The following CDH3 variants were observed in gnomAD, a reference collection of about 807,000 sequenced individuals.
CDH3 encodes the protein cadherin 3, also known as cadherin-3.
Under a neutral mutation model 82.0 loss-of-function variants are expected in CDH3, and 54 were observed. The ratio of observed to expected loss-of-function variants is 0.66; its 90% CI spans 0.53 to 0.83. The LOEUF (loss-of-function observed/expected upper bound fraction) is 0.83. Among genes scored for constraint, CDH3 ranks in the 40% least tolerant of loss-of-function variants. The pLI is 0.00. For synonymous variants in CDH3, 446 were observed against 437.9 expected (o/e 1.02, Z -0.23); for missense variants, 1,054 against 1,084.6 (o/e 0.97, Z 0.40).
intron 2 of CDH3, among the ~76,000 whole-genome samples, chr16:68,666,477 G>GC (rs1412656972): frequency 6.6e-6 from 1 of 152,138 alleles, no homozygotes; most frequent in East Asian, 1.9e-4. Context: ...GAATCCAGGA[G>GC]CCCCAAGGCC....
rs1172546854 is a variant in CDH3 at position 68,679,954 on chromosome 16, T to C, written c.847T>C (p.Ser283Pro). 6.2e-7 allele frequency: 1 copy of C among 1,614,168 alleles called. No homozygotes were observed. ...HRSTGTISVI[S>P]SGLDREKVPE... Reference sequence around the variant, plus strand: ...GAGCACAGGCACCATCAGCGTCATCTCCAGTGGCCTGGACCGGGAAGTGAG... The same window carrying C: ...GAGCACAGGCACCATCAGCGTCATCCCCAGTGGCCTGGACCGGGAAGTGAG... The change falls in exon 7 of 16, where the codon TCC (serine) becomes CCC (proline). Residue 283 changes from serine (S) to proline (P), a missense_variant. Physicochemically the swap from Ser to Pro is moderately conservative, Grantham distance 74. Transcript: ENST00000264012.
downstream of CDH3, among the ~76,000 whole-genome samples, chr16:68,730,148 G>C (rs535764922): frequency 6.6e-6 from 1 of 151,590 alleles, no homozygotes; most frequent in African/African-American, 2.4e-5. Context: ...CAGGAGGAAC[G>C]CTTGCACCTG....
chr16:68,685,181 C>T, intron 10 of CDH3, 24 bp from the exon 11 acceptor site: 1 of 1,613,434 alleles, frequency 6.2e-7, no homozygotes, highest in Non-Finnish European at 8.5e-7. Flanking sequence ...TCTGGATGTA[C>T]TCGTCTCAAC....
rs776873219 is a variant in CDH3 at position 68,687,699 on chromosome 16, C to G, written c.1758C>G (p.Asp586Glu). The G allele has an allele frequency of 6.2e-7, 1 of 1,614,038 alleles. No individual in the cohort carries two copies. Among genetic ancestry groups the G allele is most frequent in the Non-Finnish European group, 8.5e-7 (1 of 1,179,986 alleles). Residue 586 changes from aspartate to glutamate, a missense_variant, in exon 12 of 16, where the codon GAC (aspartate) becomes GAG (glutamate). Physicochemically the swap from Asp to Glu is conservative, Grantham distance 45. Transcript: ENST00000264012. The part of the protein sequence containing the change: ...TSPFQAQLTD[D>E]SDIYWTAEVN... ...CTTTCCAGGCCCAGCTCACAGATGA[C>G]TCAGACATCTACTGGACGGCAGAGG...
intron 2 of CDH3, among the ~76,000 whole-genome samples, chr16:68,657,027 C>T (rs1960424692): frequency 1.3e-5 from 2 of 152,110 alleles, no homozygotes; most frequent in Admixed American, 1.3e-4. Flanking sequence ...ACAGACCCTT[C>T]CTCACTCGCT....
chr16:68,712,434 T>C (rs952749269), intron 1 of CDH3, among the ~76,000 whole-genome samples: 1 of 152,116 alleles, frequency 6.6e-6, no homozygotes, highest in Non-Finnish European at 1.5e-5. Context: ...ATAGCAACAA[T>C]AATAATAATG....
At position 68,699,513 on chromosome 16, in the gene CDH3, T is replaced by A. The variant is rs1227872743; in HGVS notation, c.*1113T>A. ...TTTTTTTTTTTTTTGAGACGGAGTC[T>A]CGTTCTGTCGCCCAGGCTGGAGTGC... On this transcript the variant is annotated 3_prime_UTR_variant, in exon 16 of 16. Transcript: ENST00000264012. 6.7e-6 allele frequency: 1 copy of A among 149,686 alleles called. No homozygotes were observed. 9.3% of individuals were successfully genotyped at this position (149,686 alleles called of 1,614,324 possible).
chr16:68,684,738 C>T lies in CDH3; in HGVS notation c.1338C>T (p.Val446=), dbSNP rs769610402. The change falls in exon 10 of 16, where the codon GTC becomes GTT. Residue 446 remains valine, a synonymous_variant. Transcript: ENST00000264012. The part of the protein sequence containing the change: ...EAPVFVPPSK[V]VEVQEGIPTG... ...CTGTGTTTGTCCCACCCTCCAAAGT[C>T]GTTGAGGTCCAGGAGGGCATCCCCA... 1.4e-5 allele frequency: 23 copies of T among 1,614,050 alleles called. No homozygotes were observed. The highest frequency in any genetic ancestry group is 6.7e-5 in the African/African-American group (5 of 74,932).
downstream of CDH3, among the ~76,000 whole-genome samples, chr16:68,730,105 C>T (rs1567467487): frequency 6.6e-6 from 1 of 151,676 alleles, no homozygotes; most frequent in Admixed American, 6.6e-5. Flanking sequence ...TGGTGGTATG[C>T]GCCTGTAATC....
chr16:68,708,003 AG>A (rs1390151410), intron 1 of CDH3, among the ~76,000 whole-genome samples: 2 of 152,046 alleles, frequency 1.3e-5, no homozygotes, highest in Non-Finnish European at 2.9e-5. Flanking sequence ...CTGACGACCC[AG>A]GCACTCCAGG....
At chr16:68,666,205 C>T (rs910575521) in intron 2 of CDH3, among the ~76,000 whole-genome samples, 2 of 151,834 alleles carry the variant, frequency 1.3e-5, no homozygotes, top group African/African-American at 4.8e-5. Flanking sequence ...AGCTGAGGCC[C>T]TCACACACCC....
chr16:68,706,195 A>G (rs556970514), intron 1 of CDH3, among the ~76,000 whole-genome samples: 14 of 152,180 alleles, frequency 9.2e-5, no homozygotes, highest in African/African-American at 3.4e-4. Context: ...CTATCTTTCT[A>G]CTTGGACAGG....
Position 68,695,853 on chromosome 16 carries a change from C to CCAT in CDH3, c.2215_2217dup (p.Ile739dup). On this transcript the variant is annotated inframe_insertion, in exon 15 of 16. Coordinates refer to ENST00000264012, the MANE Select transcript of CDH3 (RefSeq NM_001793.6). ...GTTCTCCGCAATGACGTGGCACCAACCATCATCCCGACACCCATGTACCGT... is the reference window on the plus strand; with the variant it reads ...GTTCTCCGCAATGACGTGGCACCAACCATCATCATCCCGACACCCATGTACCGT... 6.2e-7 allele frequency: 1 copy of CCAT among 1,614,130 alleles called. No homozygotes were observed. The highest frequency in any genetic ancestry group is 1.3e-5 in the African/African-American group (1 of 75,034).
chr16:68,678,920 G>GA lies in CDH3; in HGVS notation c.691+16dup, dbSNP rs1430801006. The GA allele has an allele frequency of 6.2e-7, 1 of 1,612,602 alleles. No homozygotes were observed. The highest frequency in any genetic ancestry group is 1.3e-5 in the African/African-American group (1 of 74,920). On this transcript the variant is annotated intron_variant, in intron 6 of 15. Coordinates refer to ENST00000264012, the MANE Select transcript of CDH3 (RefSeq NM_001793.6). ...GAGTCCTACCAGGTAAGAGGACTGG[G>GA]AAGGGGACTGCTACGGGGCTGGGCC...
In CDH3 at chr16:68,707,614, ACTCACCACCCTGGC is replaced by A. The variant is rs1234998442; in HGVS notation, c.99+11695_99+11708del. ...CCTAAAGGCTGCAGATGTGGGAGTGACTCACCACCCTGGCCTCTCAGTGGGCTGAAAGGAGACCC... is the reference window on the plus strand; with the variant it reads ...CCTAAAGGCTGCAGATGTGGGAGTGACTCTCAGTGGGCTGAAAGGAGACCC... On this transcript the variant is annotated intron_variant, in intron 1 of 2. Coordinates refer to the CDH3 transcript ENST00000569080. This position sits in a 1 kb window ranked among gnomAD's most constrained non-coding sequence, Gnocchi z 4.5. Among the ~76,000 whole-genome samples the A allele has an allele frequency of 5.3e-5, 8 of 151,722 alleles. No homozygotes were observed. The highest frequency in any genetic ancestry group is 1.9e-4 in the African/African-American group (8 of 41,292).
intron 2 of CDH3, among the ~76,000 whole-genome samples, chr16:68,667,153 G>A (rs1461813842): frequency 1.3e-5 from 2 of 152,074 alleles, no homozygotes; most frequent in Non-Finnish European, 2.9e-5. Flanking sequence ...TCTATATGTA[G>A]TTTTACTTAG....
At chr16:68,729,103 G>A (rs1484438230), downstream of CDH3, among the ~76,000 whole-genome samples, 3 of 152,056 alleles carry the variant, frequency 2.0e-5, no homozygotes, top group East Asian at 1.9e-4. Context: ...TCAGGAGTTC[G>A]AGACCAGCCT....
intron 1 of CDH3, among the ~76,000 whole-genome samples, chr16:68,714,562 C>T (rs1203114265): frequency 6.6e-6 from 1 of 152,158 alleles, no homozygotes; most frequent in African/African-American, 2.4e-5. Context: ...TGAATACACC[C>T]AGCACACAGA....
At chr16:68,729,672 G>A (rs1962264088), downstream of CDH3, among the ~76,000 whole-genome samples, 1 of 152,058 alleles carries the variant, frequency 6.6e-6, no homozygotes, top group Non-Finnish European at 1.5e-5. Flanking sequence ...CTCCTCTCTT[G>A]CCCGGCTGGA....
Sources: allele counts gnomAD v4.1 joint callset (sites outside exome capture counted in the v4.1 genomes callset), GRCh38; gene constraint gnomAD v4.1.1; non-coding constraint Gnocchi (gnomAD v3.1); transcripts MANE v1.5; gene names NCBI Gene and HGNC (gene_info 2026-07-23, HGNC 2026-07-21).